Variants in HSF5 observed in about 807,000 individuals in gnomAD.
The protein encoded by HSF5 is heat shock factor protein 5.
A neutral mutation model predicts 50.8 loss-of-function variants in HSF5; 5 were observed. That is an observed-to-expected ratio of 0.10 (90% CI 0.05 to 0.21). HSF5 has a LOEUF of 0.21. Among genes scored for constraint, HSF5 ranks in the 10% least tolerant of loss-of-function variants. The probability of loss-of-function intolerance (pLI) is 1.00; values close to 1 mark genes in which losing one functional copy is unlikely to be tolerated. For missense variants in HSF5, 564 were observed against 762.6 expected, an observed-to-expected ratio of 0.74 and a Z score of 3.07; for synonymous variants, 307 against 307.4, an observed-to-expected ratio of 1.00 and a Z score of 0.02.
chr17:58,485,127 A>C lies in HSF5; in HGVS notation c.550+2598T>G, dbSNP rs200036548. Among the ~76,000 whole-genome samples the C allele has an allele frequency of 2.6e-5, 4 of 150,960 alleles. No individual in the cohort carries two copies. In the East Asian group the frequency reaches 7.8e-4, roughly 30 times the overall value. ...CCGCCACCACGCCCAGCTAATTTTTATATTTTTAATAGAGACAGGGTTTCA... is the reference window on the plus strand; with the variant it reads ...CCGCCACCACGCCCAGCTAATTTTTCTATTTTTAATAGAGACAGGGTTTCA... On this transcript the variant is annotated intron_variant, in intron 1 of 5. Coordinates refer to ENST00000323777, the MANE Select transcript of HSF5 (RefSeq NM_001080439.3).
At chr17:58,431,033 T>C (rs1974357939) in intron 5 of HSF5, among the ~76,000 whole-genome samples, 1 of 152,124 alleles carries the variant, frequency 6.6e-6, no homozygotes, top group African/African-American at 2.4e-5. Context: ...GGGGGCAGGT[T>C]TTCCCGTGCT....
At chr17:58,475,085 C>T (rs1395403370) in intron 2 of HSF5, among the ~76,000 whole-genome samples, 1 of 152,048 alleles carries the variant, frequency 6.6e-6, no homozygotes, top group Admixed American at 6.6e-5. Flanking sequence ...ACGCCATTCA[C>T]CAAAAGAGTA....
intron 5 of HSF5, among the ~76,000 whole-genome samples, chr17:58,433,911 A>ACTTTTTTTT (rs1974393559): frequency 9.1e-6 from 1 of 109,362 alleles, no homozygotes; most frequent in Non-Finnish European, 1.8e-5. Context: ...GGTCAAAGGG[A>ACTTTTTTTT]TTTTTTTTTT....
At chr17:58,461,015 T>A (rs1974787224) in intron 4 of HSF5, among the ~76,000 whole-genome samples, 1 of 150,842 alleles carries the variant, frequency 6.6e-6, no homozygotes, top group African/African-American at 2.4e-5. Flanking sequence ...GGTCAGGAGT[T>A]CAACACCAGC....
At chr17:58,458,711 A>G in intron 5 of HSF5, 57 bp downstream of exon 5, 1 of 1,407,686 alleles carries the variant, frequency 7.1e-7, no homozygotes, top group Non-Finnish European at 9.7e-7. Context: ...TGTCATTCAT[A>G]TATTAATTCT....
intron 5 of HSF5, among the ~76,000 whole-genome samples, chr17:58,442,553 GC>G (rs1974512495): frequency 6.6e-6 from 1 of 152,090 alleles, no homozygotes; most frequent in Non-Finnish European, 1.5e-5. Context: ...ATAAAATAGT[GC>G]AAAATTTTGT....
At chr17:58,426,569 C>T (rs935667161) in intron 5 of HSF5, among the ~76,000 whole-genome samples, 1 of 152,158 alleles carries the variant, frequency 6.6e-6, no homozygotes, top group Non-Finnish European at 1.5e-5. Context: ...GGGCTATTAC[C>T]TTAATAAAAT....
At chr17:58,484,482 T>C (rs958027476) in intron 1 of HSF5, among the ~76,000 whole-genome samples, 28 of 152,248 alleles carry the variant, frequency 1.8e-4, no homozygotes, top group African/African-American at 6.8e-4. Context: ...TGTTGGTTTT[T>C]ATGTGTGTGT....
At chr17:58,460,470 CATAT>C (rs746363535) in intron 4 of HSF5, among the ~76,000 whole-genome samples, 68 of 139,642 alleles carry the variant, frequency 4.9e-4, no homozygotes, top group Middle Eastern at 3.7e-3. Flanking sequence ...GCTTTATATA[CATAT>C]ATATACACAC....
intron 2 of HSF5, among the ~76,000 whole-genome samples, chr17:58,474,099 A>G (rs183127988): frequency 6.6e-6 from 1 of 152,220 alleles, no homozygotes; most frequent in East Asian, 1.9e-4. Flanking sequence ...CCGCCTCGTG[A>G]GAATGATACT....
chr17:58,469,789 T>C (rs560394006), intron 2 of HSF5, among the ~76,000 whole-genome samples: 6 of 152,258 alleles, frequency 3.9e-5, no homozygotes, highest in Non-Finnish European at 7.4e-5. Flanking sequence ...TTAAATTCCA[T>C]GTAGAAAGAA....
chr17:58,477,713 G>A (rs1310780448), intron 2 of HSF5, among the ~76,000 whole-genome samples: 1 of 151,668 alleles, frequency 6.6e-6, no homozygotes, highest in Non-Finnish European at 1.5e-5. Flanking sequence ...GCCCGCCTCG[G>A]CCTCCCAAAG....
At chr17:58,456,834 T>C (rs1974718425) in intron 5 of HSF5, among the ~76,000 whole-genome samples, 1 of 152,216 alleles carries the variant, frequency 6.6e-6, no homozygotes, top group Non-Finnish European at 1.5e-5. Flanking sequence ...TTAGTTTATA[T>C]GTGACTGGCC....
rs550036152 is a variant in HSF5, at chr17:58,488,072, T to TCGGCCC, written c.197_202dup (p.Gly66_Ala67dup). On this transcript the variant is annotated inframe_insertion, in exon 1 of 6. Coordinates refer to ENST00000323777, the MANE Select transcript of HSF5 (RefSeq NM_001080439.3). The surrounding 1 kb of genome is among the most constrained non-coding windows in gnomAD (Gnocchi z 4.1). ...GCTGGTGGTTTTGAAGAGCTCGGGC[T>TCGGCCC]CGGCCCCGGCCCCCGCAGTCCCGCC... 5.4e-3 allele frequency: 8,539 copies of TCGGCCC among 1,578,826 alleles called. 35 individuals carry two copies. Among genetic ancestry groups the TCGGCCC allele is most frequent in the African/African-American group, 8.8e-3 (641 of 72,620 alleles).
At chr17:58,447,212 C>T (rs186424311) in intron 5 of HSF5, among the ~76,000 whole-genome samples, 3 of 152,330 alleles carry the variant, frequency 2.0e-5, no homozygotes, top group Admixed American at 2.0e-4. Flanking sequence ...CCTGGCAGAA[C>T]ACCAAAGCCC....
At chr17:58,479,851 A>T in intron 2 of HSF5, 42 bp downstream of exon 2, 1 of 1,530,560 alleles carries the variant, frequency 6.5e-7, no homozygotes, top group Middle Eastern at 1.7e-4. Context: ...GCTCATTATA[A>T]ACAACCTTAA....
intron 5 of HSF5, among the ~76,000 whole-genome samples, chr17:58,426,841 C>T (rs1345343549): frequency 6.6e-6 from 1 of 152,140 alleles, no homozygotes; most frequent in Non-Finnish European, 1.5e-5. Context: ...AGCATGTACT[C>T]AAAAGAGCTA....
At chr17:58,450,338 C>CAAAAAAAAAA (rs758990551) in intron 5 of HSF5, among the ~76,000 whole-genome samples, 1 of 51,936 alleles carries the variant, frequency 1.9e-5, no homozygotes, top group East Asian at 6.7e-4. Context: ...GACTTTGTCT[C>CAAAAAAAAAA]AAAAAAAAAA....
chr17:58,476,162 T>C, intron 2 of HSF5: 1 of 1,038,164 alleles, frequency 9.6e-7, no homozygotes, highest in East Asian at 2.8e-5. Context: ...CTCTCCTTCC[T>C]CCCCTTCATC....
Sources: allele counts gnomAD v4.1 joint callset (sites outside exome capture counted in the v4.1 genomes callset), GRCh38; gene constraint gnomAD v4.1.1; non-coding constraint Gnocchi (gnomAD v3.1); transcripts MANE v1.5; gene names NCBI Gene and HGNC (gene_info 2026-07-23, HGNC 2026-07-21).